The following DENND1B variants were observed in gnomAD, a reference collection of about 807,000 sequenced individuals.
DENND1B encodes the protein DENN domain containing 1B, also known as DENN domain-containing protein 1B.
Under a neutral mutation model 90.1 loss-of-function variants are expected in DENND1B, and 59 were observed. The ratio of observed to expected loss-of-function variants is 0.65; its 90% CI spans 0.53 to 0.81. The LOEUF is 0.81. DENND1B is among the 40% of genes least tolerant of loss of function. DENND1B has a pLI of 0.00. For missense variants in DENND1B, 862 were observed against 912.6 expected, an observed-to-expected ratio of 0.94 and a Z score of 0.71; for synonymous variants, 337 against 324.6, an observed-to-expected ratio of 1.04 and a Z score of -0.41.
At chr1:197,613,307 AGT>A (rs1677345365) in intron 11 of DENND1B, among the ~76,000 whole-genome samples, 1 of 150,846 alleles carries the variant, frequency 6.6e-6, no homozygotes, top group Admixed American at 6.6e-5. Context: ...TTACAAAATA[AGT>A]GTTAAAGTTC....
At chr1:197,652,005 T>C (rs1309874012) in intron 7 of DENND1B, among the ~76,000 whole-genome samples, 1 of 152,108 alleles carries the variant, frequency 6.6e-6, no homozygotes, top group Non-Finnish European at 1.5e-5. Context: ...TTGGTTACTT[T>C]TAGTTTACAA....
upstream of DENND1B, among the ~76,000 whole-genome samples, chr1:197,780,637 C>A (rs1030785827): frequency 4.6e-5 from 7 of 152,016 alleles, no homozygotes; most frequent in African/African-American, 1.7e-4. Context: ...TTATTTGTCC[C>A]CCATCCTCCA....
intron 15 of DENND1B, among the ~76,000 whole-genome samples, chr1:197,556,111 A>T (rs1277807842): frequency 6.6e-6 from 1 of 152,072 alleles, no homozygotes; most frequent in East Asian, 1.9e-4. Flanking sequence ...AATAAAATCA[A>T]ATATTGCAAG....
At chr1:197,688,105 T>C (rs951452614) in intron 3 of DENND1B, among the ~76,000 whole-genome samples, 3 of 152,014 alleles carry the variant, frequency 2.0e-5, no homozygotes, top group African/African-American at 7.2e-5. Context: ...AGGAATAACA[T>C]TGACCAAGGA....
At chr1:197,548,156 G>A (rs983944222) in intron 16 of DENND1B, among the ~76,000 whole-genome samples, 3 of 152,110 alleles carry the variant, frequency 2.0e-5, no homozygotes, top group Non-Finnish European at 2.9e-5. Flanking sequence ...GAAAGGTTAG[G>A]GTCTTATTTA....
chr1:197,726,915 T>C (rs1438403753), intron 2 of DENND1B, among the ~76,000 whole-genome samples: 1 of 152,164 alleles, frequency 6.6e-6, no homozygotes, highest in Non-Finnish European at 1.5e-5. Flanking sequence ...AATAATAAAA[T>C]GAACACAACA....
chr1:197,615,418 T>C (rs745341803), intron 11 of DENND1B, among the ~76,000 whole-genome samples: 27 of 151,040 alleles, frequency 1.8e-4, no homozygotes, highest in African/African-American at 6.3e-4. Flanking sequence ...AAAACAGAAA[T>C]ACTTTATGGA....
chr1:197,722,702 G>C (rs1461580892), intron 2 of DENND1B, among the ~76,000 whole-genome samples: 3 of 152,068 alleles, frequency 2.0e-5, no homozygotes, highest in Non-Finnish European at 4.4e-5. Context: ...ATGTAAGTTT[G>C]ATTCACACAA....
intron 12 of DENND1B, among the ~76,000 whole-genome samples, chr1:197,607,633 A>G (rs562661339): frequency 6.7e-6 from 1 of 150,192 alleles, no homozygotes; most frequent in African/African-American, 2.5e-5. Flanking sequence ...TCTATATTCT[A>G]TACAAAAAGG....
intron 1 of DENND1B, 188 bp from the exon 2 acceptor site, chr1:197,773,120 T>C (rs112877125): frequency 2.3e-4 from 139 of 595,102 alleles, no homozygotes; most frequent in African/African-American, 2.3e-3. Flanking sequence ...AGCTGAGACT[T>C]AGGAATTCTG....
chr1:197,779,236 A>G (rs1331197738), upstream of DENND1B, among the ~76,000 whole-genome samples: 1 of 151,070 alleles, frequency 6.6e-6, no homozygotes, highest in Non-Finnish European at 1.5e-5. Context: ...TCTGCATGTT[A>G]TCAATATCAT....
chr1:197,742,937 T>C (rs974564302), intron 2 of DENND1B, among the ~76,000 whole-genome samples: 2 of 152,156 alleles, frequency 1.3e-5, no homozygotes, highest in Admixed American at 6.5e-5. Context: ...AACAAGCAGA[T>C]AAAACCATGG....
intron 3 of DENND1B, among the ~76,000 whole-genome samples, chr1:197,697,724 A>C (rs1485507586): frequency 6.6e-6 from 1 of 151,870 alleles, no homozygotes; most frequent in East Asian, 1.9e-4. Flanking sequence ...GATGGAGGAA[A>C]ATTTACCAAG....
intron 21 of DENND1B, 49 bp from the exon 22 acceptor site, chr1:197,511,993 G>A (rs773655246): frequency 7.1e-7 from 1 of 1,400,378 alleles, no homozygotes; most frequent in South Asian, 1.4e-5. Flanking sequence ...CATATTTGCT[G>A]CATGTAAGTA....
At chr1:197,698,396 T>C (rs189754729) in intron 3 of DENND1B, among the ~76,000 whole-genome samples, 18 of 152,214 alleles carry the variant, frequency 1.2e-4, no homozygotes, top group Admixed American at 1.2e-3. Flanking sequence ...CCAGAATCTC[T>C]GGTACATAGC....
Position 197,574,192 on chromosome 1 carries a change from C to G in DENND1B, c.1149+8960G>C, listed in dbSNP as rs1329033952. Among the ~76,000 whole-genome samples the G allele has an allele frequency of 4.6e-5, 7 of 152,104 alleles. No homozygotes were observed. The East Asian group carries it at 1.3e-3, about 29-fold the overall frequency. On this transcript the variant is annotated intron_variant, in intron 15 of 22. Coordinates refer to ENST00000620048, the MANE Select transcript of DENND1B (RefSeq NM_001195215.2). ...GACATGATTGTCTATTTAGAAAACC[C>G]CATCATCTCAGCCCAAAATCTCCTT...
chr1:197,724,303 A>G (rs1341523202), intron 2 of DENND1B, among the ~76,000 whole-genome samples: 3 of 152,160 alleles, frequency 2.0e-5, no homozygotes, highest in Admixed American at 1.3e-4. Context: ...AAAACATCAA[A>G]GAACCAAATT....
At position 197,505,722 on chromosome 1, in the gene DENND1B, T is replaced by C. The variant is rs1461419125; in HGVS notation, c.*4738A>G. On this transcript the variant is annotated 3_prime_UTR_variant, in exon 23 of 23. Coordinates refer to ENST00000620048, the MANE Select transcript of DENND1B (RefSeq NM_001195215.2). ...CTGTACATCATACAAAAAATTAATT[T>C]ACACAGTCAAAAAGTATTGGCAATG... 1 of 151,584 alleles carries C rather than the reference T, an allele frequency of 6.6e-6. No homozygotes were observed. Among genetic ancestry groups the C allele is most frequent in the Non-Finnish European group, 1.5e-5 (1 of 67,738 alleles). 9.4% of individuals were successfully genotyped at this position (151,584 alleles called of 1,614,324 possible).
rs150688924 is a variant in DENND1B at position 197,638,740 on chromosome 1, G to A, written c.672+3971C>T. ...ATGTTCTGCTAGTCTACCAAGATTC[G>A]CTTGGGGCTTAAACATCTATGGCCT... On this transcript the variant is annotated intron_variant, in intron 10 of 22. Coordinates refer to ENST00000620048, the MANE Select transcript of DENND1B (RefSeq NM_001195215.2). Among the ~76,000 whole-genome samples the A allele has an allele frequency of 1.2e-3, 179 of 152,164 alleles. 1 individual carries two copies. In the East Asian group the frequency reaches 0.027, roughly 23 times the overall value.
Sources: gnomAD v4.1 joint callset for allele counts (sites outside exome capture counted in the v4.1 genomes callset) on GRCh38, gnomAD v4.1.1 for gene constraint, MANE v1.5 for transcripts, NCBI Gene and HGNC (gene_info 2026-07-23, HGNC 2026-07-21) for gene names.